The following TOP1 variants were observed in gnomAD, a reference collection of about 807,000 sequenced individuals.
The protein encoded by TOP1 is DNA topoisomerase I, also known as DNA topoisomerase 1.
In TOP1, 10 loss-of-function variants were observed where a neutral mutation model predicts 111.1. That is an observed-to-expected ratio of 0.09 (90% confidence interval 0.06 to 0.15). The LOEUF (loss-of-function observed/expected upper bound fraction) is 0.15. TOP1 is among the 10% of genes least tolerant of loss of function. TOP1 has a pLI of 1.00. For synonymous variants in TOP1, 271 were observed against 302.9 expected, an observed-to-expected ratio of 0.89 and a Z score of 1.10; for missense variants, 474 against 926.7, an observed-to-expected ratio of 0.51 and a Z score of 6.34.
rs1360807652 is a variant in TOP1, at chr20:41,109,966, A to G, written c.1309-2816A>G. ...CAGTTAAGAAGGGAACTACTTATGT[A>G]TTCAACAACATGGATGAATCTTAAA... On this transcript the variant is annotated intron_variant, in intron 13 of 20. Transcript: ENST00000361337. The surrounding 1 kb of genome is among the most constrained non-coding windows in gnomAD (Gnocchi z 4.1). 6.6e-6 allele frequency among the ~76,000 whole-genome samples: 1 copy of G among 152,244 alleles called. No individual in the cohort carries two copies. The highest frequency in any genetic ancestry group is 2.4e-5 in the African/African-American group (1 of 41,464).
Position 41,046,214 on chromosome 20 carries a change from AG to A in TOP1, c.59-15178del, listed in dbSNP as rs1164958087. Among the ~76,000 whole-genome samples the A allele has an allele frequency of 6.6e-6, 1 of 152,066 alleles. No homozygotes were observed. On this transcript the variant is annotated intron_variant, in intron 2 of 20. Coordinates refer to ENST00000361337, the MANE Select transcript of TOP1 (RefSeq NM_003286.4). This position sits in a 1 kb window ranked among gnomAD's most constrained non-coding sequence, Gnocchi z 4.3. ...TCTAAGCTTTCATTTATCAATCCTGAGGTAGTTAACATTACTATTTCCAGTA... is the reference window on the plus strand; with the variant it reads ...TCTAAGCTTTCATTTATCAATCCTGAGTAGTTAACATTACTATTTCCAGTA...
Position 41,101,676 on chromosome 20 carries a change from T to G in TOP1, c.1308+323T>G, listed in dbSNP as rs1049895717. On this transcript the variant is annotated intron_variant, in intron 13 of 20. Transcript: ENST00000361337. The surrounding 1 kb of genome is among the most constrained non-coding windows in gnomAD (Gnocchi z 4.1). ...TGCCTTCATATTGCTTAACGTCCAGTGGTCAGAATGTGTTGAAGTATGGTG... is the reference window on the plus strand; with the variant it reads ...TGCCTTCATATTGCTTAACGTCCAGGGGTCAGAATGTGTTGAAGTATGGTG... Among the ~76,000 whole-genome samples, 1 of 152,226 alleles carries G rather than the reference T, an allele frequency of 6.6e-6. No homozygotes were observed. The highest frequency in any genetic ancestry group is 1.5e-5 in the Non-Finnish European group (1 of 68,040).
intron 7 of TOP1, among the ~76,000 whole-genome samples, chr20:41,081,955 G>C (rs2033794050): frequency 6.6e-6 from 1 of 152,198 alleles, no homozygotes; most frequent in South Asian, 2.1e-4. Flanking sequence ...TCTTGTTGAT[G>C]CTTGTGGTAG....
chr20:41,071,439 G>T lies in TOP1; in HGVS notation c.156-4732G>T, dbSNP rs1257200094. ...GGCTCACTGCAGCCTCTGTCTCCCT[G>T]GTTCAAGTGATTCTCCTGCCTCAGC... On this transcript the variant is annotated intron_variant, in intron 3 of 20. Transcript: ENST00000361337. The surrounding 1 kb of genome is among the most constrained non-coding windows in gnomAD (Gnocchi z 4.3). 1.3e-5 allele frequency among the ~76,000 whole-genome samples: 2 copies of T among 151,476 alleles called. No individual in the cohort carries two copies. The highest frequency in any genetic ancestry group is 2.9e-5 in the Non-Finnish European group (2 of 67,892).
At chr20:41,074,500 T>C (rs907682007) in intron 3 of TOP1, among the ~76,000 whole-genome samples, 3 of 152,050 alleles carry the variant, frequency 2.0e-5, no homozygotes, top group Admixed American at 6.6e-5. Flanking sequence ...TTTTTTTTTT[T>C]CTCCATCTAT....
rs931230568 is a variant in TOP1 at position 41,101,072 on chromosome 20, A to G, written c.1164-137A>G. On this transcript the variant is annotated intron_variant, in intron 12 of 20. Coordinates refer to ENST00000361337, the MANE Select transcript of TOP1 (RefSeq NM_003286.4). This position sits in a 1 kb window ranked among gnomAD's most constrained non-coding sequence, Gnocchi z 4.1. ...GCTGAGGGTAAGTAAAACCATGCAT[A>G]AGGTGGGACTACTGTATTGACTGTT... is the stretch of plus-strand genomic sequence containing the variant. 3 of 760,162 alleles carry G rather than the reference A, an allele frequency of 3.9e-6. No homozygotes were observed. Among genetic ancestry groups the G allele is most frequent in the Non-Finnish European group, 6.4e-6 (3 of 469,518 alleles). The allele number at this position is 760,162 out of a possible 1,614,324, so 47.1% of individuals were successfully genotyped here. A position where few individuals can be genotyped will look rare whatever the true frequency, so the allele number is the denominator to read the frequency against.
intron 8 of TOP1, among the ~76,000 whole-genome samples, chr20:41,085,092 A>G (rs1352093637): frequency 6.6e-6 from 1 of 152,294 alleles, no homozygotes; most frequent in East Asian, 1.9e-4. Context: ...AAAAAAAAAA[A>G]AAAAACTCAA....
rs1485418222 is a variant in TOP1 at position 41,032,860 on chromosome 20, T to C, written c.58+3405T>C. Reference sequence around the variant, plus strand: ...GGGGAATTTCAGATAGCTGATGATGTGGCTATCTGAAAATTGCCACTACAT... The same window carrying C: ...GGGGAATTTCAGATAGCTGATGATGCGGCTATCTGAAAATTGCCACTACAT... On this transcript the variant is annotated intron_variant, in intron 2 of 20. Coordinates refer to ENST00000361337, the MANE Select transcript of TOP1 (RefSeq NM_003286.4). The surrounding 1 kb of genome is among the most constrained non-coding windows in gnomAD (Gnocchi z 4.3). Among the ~76,000 whole-genome samples, 1 of 152,214 alleles carries C rather than the reference T, an allele frequency of 6.6e-6. No individual in the cohort carries two copies. Among genetic ancestry groups the C allele is most frequent in the Non-Finnish European group, 1.5e-5 (1 of 68,044 alleles).
rs372140412 is a variant in TOP1 at position 41,032,434 on chromosome 20, T to C, written c.58+2979T>C. On this transcript the variant is annotated intron_variant, in intron 2 of 20. Coordinates refer to ENST00000361337, the MANE Select transcript of TOP1 (RefSeq NM_003286.4). The surrounding 1 kb of genome is among the most constrained non-coding windows in gnomAD (Gnocchi z 4.3). ...CTAAGTGAAAAGACTTCCTAAGTATTGGTAGAACTAACTGTAGTGGGGCTG... is the reference window on the plus strand; with the variant it reads ...CTAAGTGAAAAGACTTCCTAAGTATCGGTAGAACTAACTGTAGTGGGGCTG... Among the ~76,000 whole-genome samples, 3 of 152,218 alleles carry C rather than the reference T, an allele frequency of 2.0e-5. No homozygotes were observed. The highest frequency in any genetic ancestry group is 3.8e-4 in the East Asian group (2 of 5,200).
At chr20:41,055,083 A>G (rs1034013236) in intron 2 of TOP1, among the ~76,000 whole-genome samples, 8 of 152,224 alleles carry the variant, frequency 5.3e-5, no homozygotes, top group African/African-American at 1.9e-4. Context: ...GTTAGTTGCC[A>G]TAAGTCTTCT....
chr20:41,115,539 A>G lies in TOP1; in HGVS notation c.1707+100A>G, dbSNP rs547307626. ...GGCAGATGACTTGGGCTCTCCCTTT[A>G]GCCTGGCCTGCTCTGTGGCATCCCA... On this transcript the variant is annotated intron_variant, in intron 16 of 20. Coordinates refer to ENST00000361337, the MANE Select transcript of TOP1 (RefSeq NM_003286.4). The surrounding 1 kb of genome is among the most constrained non-coding windows in gnomAD (Gnocchi z 6.3). 55 of 855,764 alleles carry G rather than the reference A, an allele frequency of 6.4e-5. 1 individual carries two copies. The African/African-American group carries it at 8.8e-4, about 14-fold the overall frequency. 53.0% of individuals were successfully genotyped at this position (855,764 alleles called of 1,614,324 possible).
chr20:41,081,563 C>G (rs1027312306), intron 7 of TOP1, among the ~76,000 whole-genome samples: 8 of 152,184 alleles, frequency 5.3e-5, no homozygotes, highest in Non-Finnish European at 1.0e-4. Flanking sequence ...TAACAAGAAA[C>G]CACATTTTGG....
intron 2 of TOP1, among the ~76,000 whole-genome samples, chr20:41,051,242 C>T (rs1265003137): frequency 6.6e-6 from 1 of 152,172 alleles, no homozygotes; most frequent in Admixed American, 6.5e-5. Context: ...AGGAGGAGCC[C>T]ATCATATTAT....
intron 2 of TOP1, among the ~76,000 whole-genome samples, chr20:41,035,486 AG>A (rs2033173727): frequency 6.6e-6 from 1 of 152,240 alleles, no homozygotes; most frequent in South Asian, 2.1e-4. Flanking sequence ...TAAAGCAATC[AG>A]TATTTTTAGG....
rs199980607 is a variant in TOP1, at chr20:41,113,967, C to T, written c.1453-3C>T. 2.2e-5 allele frequency: 36 copies of T among 1,609,750 alleles called. No individual in the cohort carries two copies. The African/African-American group carries it at 4.4e-4, about 20-fold the overall frequency. On this transcript the variant is annotated splice_polypyrimidine_tract_variant and splice_region_variant and intron_variant, in intron 14 of 20. Coordinates refer to ENST00000361337, the MANE Select transcript of TOP1 (RefSeq NM_003286.4). ...GCTCATCTTTTCTTTCTTTCCTGGG[C>T]AGCTTGCTCTGAGAGCAGGCAATGA...
Position 41,097,406 on chromosome 20 carries a change from TATC to T in TOP1, c.852+68_852+70del, listed in dbSNP as rs1375165494. The T allele has an allele frequency of 2.1e-6, 3 of 1,450,850 alleles. No individual in the cohort carries two copies. Among genetic ancestry groups the T allele is most frequent in the Non-Finnish European group, 2.8e-6 (3 of 1,080,306 alleles). 89.9% of individuals were successfully genotyped at this position (1,450,850 alleles called of 1,614,324 possible). Reference sequence around the variant, plus strand: ...AACAATCAAGTACTAAGTAATAAATTATCATTTTGCAAAACATTTCCTGATGTA... The same window carrying T: ...AACAATCAAGTACTAAGTAATAAATTATTTTGCAAAACATTTCCTGATGTA... On this transcript the variant is annotated intron_variant, in intron 10 of 20. Coordinates refer to ENST00000361337, the MANE Select transcript of TOP1 (RefSeq NM_003286.4). This position sits in a 1 kb window ranked among gnomAD's most constrained non-coding sequence, Gnocchi z 4.2.
At chr20:41,103,988 CAT>C (rs2034105236) in intron 13 of TOP1, among the ~76,000 whole-genome samples, 1 of 152,098 alleles carries the variant, frequency 6.6e-6, no homozygotes, top group Admixed American at 6.5e-5. Flanking sequence ...GTGTGATTTA[CAT>C]ATAATGCCTG....
In TOP1 at chr20:41,056,893, G is replaced by A. The variant is rs556589073; in HGVS notation, c.59-4501G>A. Among the ~76,000 whole-genome samples, 16 of 152,168 alleles carry A rather than the reference G, an allele frequency of 1.1e-4. 1 individual carries two copies. In the South Asian group the frequency reaches 2.3e-3, roughly 22 times the overall value. On this transcript the variant is annotated intron_variant, in intron 2 of 20. Coordinates refer to ENST00000361337, the MANE Select transcript of TOP1 (RefSeq NM_003286.4). ...GTTTCTCACCAGACATTTTTGATTTGCATTTTTAGACAGCAGTTGCTTTAA... is the reference window on the plus strand; with the variant it reads ...GTTTCTCACCAGACATTTTTGATTTACATTTTTAGACAGCAGTTGCTTTAA...
rs753852805 is a variant in TOP1, at chr20:41,118,255, C to T, written c.1909C>T (p.Pro637Ser). ...TCTTTGTAACCATCAGAGGGCACCA[C>T]CAAAAACTTTTGAGAAGTCTATGAT... ...AILCNHQRAP[P>S]KTFEKSMMNL... is the part of the protein sequence containing the mutation. The change falls in exon 18 of 21, where the codon CCA (proline) becomes TCA (serine). Residue 637 changes from proline to serine, a missense_variant. This residue lies in a region of TOP1 where 13 missense variants were observed against 56.8 expected (regional missense o/e 0.23). Transcript: ENST00000361337. The surrounding 1 kb of genome is among the most constrained non-coding windows in gnomAD (Gnocchi z 4.6). 2.5e-6 allele frequency: 4 copies of T among 1,613,984 alleles called. No homozygotes were observed. The highest frequency in any genetic ancestry group is 1.7e-6 in the Non-Finnish European group (2 of 1,179,956).
Sources: gnomAD v4.1 joint callset for allele counts (sites outside exome capture counted in the v4.1 genomes callset) on GRCh38, gnomAD v4.1.1 for gene constraint, gnomAD v4.1.1 regional missense constraint, Gnocchi (gnomAD v3.1) non-coding constraint, MANE v1.5 for transcripts, NCBI Gene and HGNC (gene_info 2026-07-23, HGNC 2026-07-21) for gene names.